Variants in ZFHX4 observed in about 807,000 individuals in gnomAD.
The protein encoded by ZFHX4 is zinc finger homeobox 4.
Under a neutral mutation model 267.6 loss-of-function variants are expected in ZFHX4, and 56 were observed. That is an observed-to-expected ratio of 0.21 (90% CI 0.17 to 0.26). The LOEUF is 0.26. ZFHX4 is among the 10% of genes least tolerant of loss of function. The pLI, the probability that ZFHX4 is intolerant of heterozygous loss-of-function variation, is 1.00. For missense variants in ZFHX4, 4,332 were observed against 4,420.0 expected, an observed-to-expected ratio of 0.98 and a Z score of 0.56; for synonymous variants, 1,778 against 1,665.6, an observed-to-expected ratio of 1.07 and a Z score of -1.64.
intron 3 of ZFHX4, among the ~76,000 whole-genome samples, chr8:76,777,856 GT>G (rs35413380): frequency 4.7e-4 from 61 of 128,562 alleles, no homozygotes; most frequent in East Asian, 1.4e-3. Context: ...TGATGAACTT[GT>G]TTTTTTTTTT....
intron 4 of ZFHX4, among the ~76,000 whole-genome samples, chr8:76,832,357 A>G (rs560954121): frequency 1.3e-5 from 2 of 152,234 alleles, no homozygotes; most frequent in East Asian, 1.9e-4. Flanking sequence ...ACATAATTCT[A>G]TCTTCATTTT....
rs1369847143 is a variant in ZFHX4, at chr8:76,740,067, T to C, written c.3093+32019T>C. Among the ~76,000 whole-genome samples, 3 of 152,156 alleles carry C rather than the reference T, an allele frequency of 2.0e-5. No homozygotes were observed. In the East Asian group the frequency reaches 5.8e-4, roughly 29 times the overall value. On this transcript the variant is annotated intron_variant, in intron 3 of 10. Transcript: ENST00000651372. Reference sequence around the variant, plus strand: ...TATTAGACCATTTATATATGGTGTATATGGCAGTGGAAGAGAATTGTTGAA... The same window carrying C: ...TATTAGACCATTTATATATGGTGTACATGGCAGTGGAAGAGAATTGTTGAA...
chr8:76,785,888 G>C (rs1259644080), intron 4 of ZFHX4, among the ~76,000 whole-genome samples: 2 of 152,058 alleles, frequency 1.3e-5, no homozygotes, highest in East Asian at 1.9e-4. Flanking sequence ...CAATAAACTG[G>C]TTATCTGTTA....
Position 76,855,619 on chromosome 8 carries a change from G to C in ZFHX4, c.8698G>C (p.Glu2900Gln). 6.2e-7 allele frequency: 1 copy of C among 1,613,756 alleles called. No homozygotes were observed. Among genetic ancestry groups the C allele is most frequent in the Non-Finnish European group, 8.5e-7 (1 of 1,179,758 alleles). The change falls in exon 10 of 11, where the codon GAA (glutamate) becomes CAA (glutamine). Residue 2900 changes from glutamate (E) to glutamine (Q), a missense_variant. Transcript: ENST00000651372. Reference protein sequence around the residue: ...DDPDDNADRSETSSIADPSSP... With the variant: ...DDPDDNADRSQTSSIADPSSP... ...CCCGGATGACAACGCCGACCGCAGC[G>C]AAACGTCCAGCATAGCGGACCCGAG...
chr8:76,788,419 T>C (rs903302303), intron 4 of ZFHX4, among the ~76,000 whole-genome samples: 1 of 152,222 alleles, frequency 6.6e-6, no homozygotes, highest in Admixed American at 6.5e-5. Context: ...TTCAGTTACA[T>C]ATTGAATTTT....
At chr8:76,777,602 A>G (rs1223857848) in intron 3 of ZFHX4, among the ~76,000 whole-genome samples, 1 of 152,218 alleles carries the variant, frequency 6.6e-6, no homozygotes, top group Non-Finnish European at 1.5e-5. Context: ...CAGTATTTGT[A>G]ACAAAGTAAC....
intron 3 of ZFHX4, among the ~76,000 whole-genome samples, chr8:76,765,409 G>A (rs557706132): frequency 5.3e-5 from 8 of 151,930 alleles, no homozygotes; most frequent in African/African-American, 1.9e-4. Context: ...AATTACAGAG[G>A]CTATAGCTTG....
intron 3 of ZFHX4, among the ~76,000 whole-genome samples, chr8:76,711,215 TA>T (rs1162148017): frequency 6.6e-6 from 1 of 152,178 alleles, no homozygotes; most frequent in Non-Finnish European, 1.5e-5. Context: ...AGAATTTTTT[TA>T]AAAGCAATTT....
chr8:76,765,863 G>A (rs1378267001), intron 3 of ZFHX4, among the ~76,000 whole-genome samples: 1 of 152,046 alleles, frequency 6.6e-6, no homozygotes, highest in Non-Finnish European at 1.5e-5. Context: ...CCAGCAGTTA[G>A]ATGTTTCATT....
chr8:76,864,423 C>G lies in ZFHX4; in HGVS notation c.10709C>G (p.Thr3570Arg). 6.2e-7 allele frequency: 1 copy of G among 1,613,748 alleles called. No homozygotes were observed. Among genetic ancestry groups the G allele is most frequent in the Non-Finnish European group, 8.5e-7 (1 of 1,179,840 alleles). Residue 3570 changes from threonine to arginine, a missense_variant, in exon 11 of 11, where the codon ACA becomes AGA. Thr to Arg is a moderately conservative substitution (Grantham distance 71). Coordinates refer to ENST00000651372, the MANE Select transcript of ZFHX4 (RefSeq NM_024721.5). ...TCAGGGGTTCAAACCTCACTACCCA[C>G]AGAAAGTTGTTCAGATGAGTCTGAC... ...STSGVQTSLPTESCSDESDSE... is the reference protein window; with the variant it reads ...STSGVQTSLPRESCSDESDSE...
At chr8:76,801,203 C>T (rs1377973658) in intron 4 of ZFHX4, among the ~76,000 whole-genome samples, 1 of 151,784 alleles carries the variant, frequency 6.6e-6, no homozygotes, top group Non-Finnish European at 1.5e-5. Flanking sequence ...CTTTCTCTCA[C>T]AGTGCATTTG....
intron 4 of ZFHX4, among the ~76,000 whole-genome samples, chr8:76,798,132 G>T (rs1387990918): frequency 1.3e-5 from 2 of 152,028 alleles, no homozygotes; most frequent in Non-Finnish European, 2.9e-5. Flanking sequence ...ACAGAGGAAG[G>T]GTACACAAAA....
intron 3 of ZFHX4, among the ~76,000 whole-genome samples, chr8:76,746,428 G>GA (rs1308197374): frequency 6.6e-6 from 1 of 152,038 alleles, no homozygotes; most frequent in Non-Finnish European, 1.5e-5. Context: ...AAACAAACAA[G>GA]AAATATTTTT....
chr8:76,706,335 C>T lies in ZFHX4; in HGVS notation c.2247C>T (p.Ser749=), dbSNP rs757677329. The stretch of plus-strand genomic sequence containing the variant: ...ACTCTGCCCCAGCCCCCAACACCAG[C>T]CTCAGTGGCTGCGGAACACCCTCTC... ...FGHSAPAPNT[S]LSGCGTPSPS... Residue 749 remains serine (S), a synonymous_variant, in exon 2 of 11, where the codon AGC becomes AGT. Coordinates refer to ENST00000651372, the MANE Select transcript of ZFHX4 (RefSeq NM_024721.5). 8 of 1,613,986 alleles carry T rather than the reference C, an allele frequency of 5.0e-6. No individual in the cohort carries two copies. Among genetic ancestry groups the T allele is most frequent in the Non-Finnish European group, 6.8e-6 (8 of 1,179,992 alleles).
In ZFHX4 at chr8:76,849,208, C is replaced by T. The variant is rs368403032; in HGVS notation, c.3645+80C>T. 63 of 1,435,272 alleles carry T rather than the reference C, an allele frequency of 4.4e-5. No homozygotes were observed. In the African/African-American group the frequency reaches 8.3e-4, roughly 19 times the overall value. 88.9% of individuals were successfully genotyped at this position (1,435,272 alleles called of 1,614,324 possible). On this transcript the variant is annotated intron_variant, in intron 7 of 10. Transcript: ENST00000651372. ...ATAGTTTTAAAGCCCCAAATGATTC[C>T]ATGCTGTTGAAATGTATGTAGACAT...
At chr8:76,818,019 C>A (rs964738669) in intron 4 of ZFHX4, among the ~76,000 whole-genome samples, 1 of 152,052 alleles carries the variant, frequency 6.6e-6, no homozygotes, top group African/African-American at 2.4e-5. Flanking sequence ...AGTTCCCTGC[C>A]CTCAAGGAGT....
At chr8:76,834,790 T>C (rs1812027276) in intron 5 of ZFHX4, among the ~76,000 whole-genome samples, 1 of 152,030 alleles carries the variant, frequency 6.6e-6, no homozygotes, top group Non-Finnish European at 1.5e-5. Context: ...AGATTATGCC[T>C]TTAGTGTGGT....
intron 3 of ZFHX4, among the ~76,000 whole-genome samples, chr8:76,765,727 A>G (rs1347896063): frequency 6.6e-6 from 1 of 152,154 alleles, no homozygotes; most frequent in Non-Finnish European, 1.5e-5. Context: ...TGTCTATTGC[A>G]TTGCCAGGCA....
At chr8:76,800,696 A>G (rs1811097130) in intron 4 of ZFHX4, among the ~76,000 whole-genome samples, 1 of 152,202 alleles carries the variant, frequency 6.6e-6, no homozygotes, top group African/African-American at 2.4e-5. Flanking sequence ...TAATTTAGGG[A>G]TCAGCAGACT....
Sources: allele counts gnomAD v4.1 joint callset (sites outside exome capture counted in the v4.1 genomes callset), GRCh38; gene constraint gnomAD v4.1.1; transcripts MANE v1.5; gene names NCBI Gene and HGNC (gene_info 2026-07-23, HGNC 2026-07-21).